IKZF4: variants seen among roughly 807,000 people sequenced by gnomAD.
IKZF4 encodes zinc finger protein Eos.
Under a neutral mutation model 47.7 loss-of-function variants are expected in IKZF4, and 11 were observed. The ratio of observed to expected loss-of-function variants is 0.23; its 90% CI spans 0.15 to 0.38. IKZF4 has a LOEUF of 0.38. IKZF4 is among the 10% of genes least tolerant of loss of function. IKZF4 has a pLI of 1.00. For missense variants in IKZF4, 557 were observed against 784.9 expected, an observed-to-expected ratio of 0.71 and a Z score of 3.47; for synonymous variants, 298 against 299.4, an observed-to-expected ratio of 1.00 and a Z score of 0.05.
Position 56,025,089 on chromosome 12 carries a change from G to A in IKZF4, c.217G>A (p.Gly73Arg), listed in dbSNP as rs1193532820. 13 of 1,601,270 alleles carry A rather than the reference G, an allele frequency of 8.1e-6. No homozygotes were observed. Among genetic ancestry groups the A allele is most frequent in the African/African-American group, 6.7e-5 (5 of 74,656 alleles). ...CTCATCTCTGGAGAAGGAGTTCCTCGGGGCCCCAGTGGGGCCCTCGGTGAG... is the reference window on the plus strand; with the variant it reads ...CTCATCTCTGGAGAAGGAGTTCCTCAGGGCCCCAGTGGGGCCCTCGGTGAG... ...GDSSLEKEFL[G>R]APVGPSVSTP... The change falls in exon 3 of 8, where the codon GGG (glycine) becomes AGG (arginine). Residue 73 changes from glycine (G) to arginine (R), a missense_variant. Physicochemically the swap from Gly to Arg is moderately radical, Grantham distance 125. This residue lies in a region of IKZF4 where 112 missense variants were observed against 168.2 expected (regional missense o/e 0.67). Coordinates refer to ENST00000547167, the MANE Select transcript of IKZF4 (RefSeq NM_022465.4).
Position 56,035,572 on chromosome 12 carries a change from ACT to A in IKZF4, c.*242_*243del. Reference sequence around the variant, plus strand: ...TTTTTATCTTCTCTCATCCCAGCATACTGAGTTATTTATTAATTAGTTGATTT... The same window carrying A: ...TTTTTATCTTCTCTCATCCCAGCATAGAGTTATTTATTAATTAGTTGATTT... On this transcript the variant is annotated 3_prime_UTR_variant, in exon 8 of 8. Transcript: ENST00000547167. This position sits in a 1 kb window ranked among gnomAD's most constrained non-coding sequence, Gnocchi z 6.1. The A allele has an allele frequency of 4.7e-6, 2 of 422,326 alleles. No individual in the cohort carries two copies. The highest frequency in any genetic ancestry group is 1.3e-4 in the South Asian group (2 of 15,612). 26.2% of individuals were successfully genotyped at this position (422,326 alleles called of 1,614,324 possible).
intron 5 of IKZF4, among the ~76,000 whole-genome samples, chr12:56,031,438 C>T (rs774715221): frequency 2.0e-5 from 3 of 152,082 alleles, no homozygotes; most frequent in Admixed American, 6.6e-5. Context: ...TCATTCCTCT[C>T]CCAGATGTTA....
At chr12:56,033,075 C>A (rs141969760) in intron 6 of IKZF4, 115 bp from the exon 7 acceptor site, 7 of 1,251,236 alleles carry the variant, frequency 5.6e-6, no homozygotes, top group East Asian at 4.8e-5. Flanking sequence ...GTTTCCCAGG[C>A]AACTGGTATG....
intron 5 of IKZF4, among the ~76,000 whole-genome samples, chr12:56,028,443 G>T (rs1036179451): frequency 6.7e-6 from 1 of 149,176 alleles, no homozygotes; most frequent in Admixed American, 6.8e-5. Context: ...TGAGGCTGGA[G>T]AATGGCGTGA....
chr12:56,009,377 G>A (rs751049822), intron 1 of IKZF4, among the ~76,000 whole-genome samples: 1 of 152,204 alleles, frequency 6.6e-6, no homozygotes, highest in Non-Finnish European at 1.5e-5. Context: ...ATCTTTGAAA[G>A]CATAGTGTTT....
In IKZF4 at chr12:56,035,361, C is replaced by T; in HGVS notation, c.*30C>T. On this transcript the variant is annotated 3_prime_UTR_variant, in exon 8 of 8. Coordinates refer to ENST00000547167, the MANE Select transcript of IKZF4 (RefSeq NM_022465.4). The surrounding 1 kb of genome is among the most constrained non-coding windows in gnomAD (Gnocchi z 6.1). Reference sequence around the variant, plus strand: ...CTCTCCCTCTCTCCTCAGTCCACCACTCCACTGCCCTGACTACAGGCATTG... The same window carrying T: ...CTCTCCCTCTCTCCTCAGTCCACCATTCCACTGCCCTGACTACAGGCATTG... The T allele has an allele frequency of 6.3e-7, 1 of 1,580,776 alleles. No homozygotes were observed. The highest frequency in any genetic ancestry group is 8.6e-7 in the Non-Finnish European group (1 of 1,162,554).
upstream of IKZF4, among the ~76,000 whole-genome samples, chr12:56,017,514 C>T (rs530077657): frequency 3.4e-3 from 514 of 152,178 alleles, 1 homozygote; most frequent in Non-Finnish European, 6.3e-3. Context: ...GTTTCTTTGC[C>T]TCCTCAGGGC....
intron 7 of IKZF4, 67 bp downstream of exon 7, chr12:56,033,388 T>C: frequency 3.1e-6 from 5 of 1,592,146 alleles, no homozygotes; most frequent in Non-Finnish European, 4.3e-6. Context: ...AGCTGTGTGG[T>C]CTGGAGATTC....
At chr12:56,008,440 T>G (rs1474719336) in intron 1 of IKZF4, among the ~76,000 whole-genome samples, 1 of 152,064 alleles carries the variant, frequency 6.6e-6, no homozygotes, top group East Asian at 1.9e-4. Context: ...TCCCTGTACC[T>G]CCTCACACAA....
chr12:56,008,551 C>T (rs1370520794), intron 1 of IKZF4, among the ~76,000 whole-genome samples: 2 of 152,166 alleles, frequency 1.3e-5, no homozygotes, highest in East Asian at 3.9e-4. Context: ...AAAATTATGA[C>T]TAGTCCTTTC....
upstream of IKZF4, among the ~76,000 whole-genome samples, chr12:56,019,103 C>T (rs1892518394): frequency 6.6e-6 from 1 of 152,200 alleles, no homozygotes; most frequent in African/African-American, 2.4e-5. Context: ...GTAGTCCCAA[C>T]TTCTCAGGAG....
rs999149387 is a variant in IKZF4 at position 56,008,534 on chromosome 12, T to C, written c.-292+800T>C. Among the ~76,000 whole-genome samples, 3 of 152,062 alleles carry C rather than the reference T, an allele frequency of 2.0e-5. No individual in the cohort carries two copies. The East Asian group carries it at 5.8e-4, about 29-fold the overall frequency. On this transcript the variant is annotated intron_variant, in intron 1 of 11. Coordinates refer to the IKZF4 transcript ENST00000262032. ...AAATTTTCTATATTATTTCTGTGCC[T>C]TTAAAAAAAATTATGACTAGTCCTT...
At chr12:56,016,197 T>C (rs1029036342), upstream of IKZF4, among the ~76,000 whole-genome samples, 1 of 151,888 alleles carries the variant, frequency 6.6e-6, no homozygotes, top group Non-Finnish European at 1.5e-5. Context: ...TACTTTACTC[T>C]GTGTGCCTTC....
At position 56,033,240 on chromosome 12, in the gene IKZF4, T is replaced by A. The variant is rs753814618; in HGVS notation, c.916T>A (p.Ser306Thr). The change falls in exon 7 of 8, where the codon TCC becomes ACC. Residue 306 changes from serine (S) to threonine (T), a missense_variant. By Grantham distance (58) the Ser-to-Thr change is moderately conservative (BLOSUM62 1). Transcript: ENST00000547167. ...EMVPDSMLHSSSERPTFIDRL... is the reference protein window; with the variant it reads ...EMVPDSMLHSTSERPTFIDRL... ...GGTGCCAGACTCCATGCTGCACTCA[T>A]CCTCTGAGCGGCCAACTTTCATCGA... 9.9e-6 allele frequency: 16 copies of A among 1,613,854 alleles called. No individual in the cohort carries two copies. In the South Asian group the frequency reaches 1.8e-4, roughly 18 times the overall value.
At chr12:56,030,742 AAAGT>A (rs1277495306) in intron 5 of IKZF4, among the ~76,000 whole-genome samples, 5 of 151,930 alleles carry the variant, frequency 3.3e-5, no homozygotes, top group Non-Finnish European at 7.4e-5. Context: ...AAAAAAAAAA[AAAGT>A]AGAGAGTAGA....
chr12:56,028,449 C>T (rs1007195573), intron 5 of IKZF4, among the ~76,000 whole-genome samples: 6 of 137,070 alleles, frequency 4.4e-5, no homozygotes. Flanking sequence ...TGGAGAATGG[C>T]GTGAACCCGG....
chr12:56,022,627 T>C (rs949484628), intron 1 of IKZF4, among the ~76,000 whole-genome samples: 9 of 152,118 alleles, frequency 5.9e-5, no homozygotes, highest in African/African-American at 1.9e-4. Context: ...ATTATACATA[T>C]ATTTTAGCCC....
Position 56,038,250 on chromosome 12 carries a change from C to G in IKZF4, c.*2919C>G, listed in dbSNP as rs560533387. The G allele has an allele frequency of 2.6e-5, 4 of 152,430 alleles. No individual in the cohort carries two copies. The highest frequency in any genetic ancestry group is 1.9e-4 in the East Asian group (1 of 5,200). The allele number at this position is 152,430 out of a possible 1,614,324, so 9.4% of individuals were successfully genotyped here. A position where few individuals can be genotyped will look rare whatever the true frequency, so the allele number is the denominator to read the frequency against. ...CTCTCTTCTTCTGATTCCCCTCCCC[C>G]CCTTTTTTAAAGAGTTTTTCTCCTT... On this transcript the variant is annotated 3_prime_UTR_variant, in exon 8 of 8. Coordinates refer to ENST00000547167, the MANE Select transcript of IKZF4 (RefSeq NM_022465.4).
Position 56,013,938 on chromosome 12 carries a change from G to T in IKZF4, c.-214+2444G>T, listed in dbSNP as rs185483060. Among the ~76,000 whole-genome samples, 5 of 152,268 alleles carry T rather than the reference G, an allele frequency of 3.3e-5. No homozygotes were observed. The East Asian group carries it at 9.7e-4, about 29-fold the overall frequency. ...GGCCGAGGCGGGCAGATTACCTGAG[G>T]TCAGGAGTTCGAGAACAGCCTGGCC... On this transcript the variant is annotated intron_variant, in intron 2 of 11. Coordinates refer to the IKZF4 transcript ENST00000262032.
Sources: gnomAD v4.1 joint callset for allele counts (sites outside exome capture counted in the v4.1 genomes callset) on GRCh38, gnomAD v4.1.1 for gene constraint, gnomAD v4.1.1 regional missense constraint, Gnocchi (gnomAD v3.1) non-coding constraint, MANE v1.5 for transcripts, NCBI Gene and HGNC (gene_info 2026-07-23, HGNC 2026-07-21) for gene names.